Variants in WIPF2 observed in about 807,000 individuals in gnomAD.
WIPF2 encodes WAS/WASL-interacting protein family member 2.
WIPF2 carries 23 observed loss-of-function variants against 38.8 expected under a neutral mutation model. The ratio of observed to expected loss-of-function variants is 0.59; its 90% CI spans 0.43 to 0.84. WIPF2 has a LOEUF of 0.84. Ranked by LOEUF, WIPF2 falls within the 40% of genes least tolerant of loss-of-function variation. The pLI, the probability that WIPF2 is intolerant of heterozygous loss-of-function variation, is 0.00. For missense variants in WIPF2, 574 were observed against 580.5 expected (o/e 0.99, Z 0.11); for synonymous variants, 210 against 223.2 (o/e 0.94, Z 0.53).
intron 1 of WIPF2, 49 bp from the exon 2 acceptor site, chr17:40,256,342 T>G: frequency 6.8e-7 from 1 of 1,479,518 alleles, no homozygotes; most frequent in South Asian, 1.3e-5. Context: ...CCTGGGCACT[T>G]GTATCTAATG....
At position 40,236,571 on chromosome 17, in the gene WIPF2, G is replaced by T. The variant is rs529612423; in HGVS notation, c.-70+17079G>T. Among the ~76,000 whole-genome samples the T allele has an allele frequency of 2.0e-5, 3 of 146,750 alleles. No homozygotes were observed. The Admixed American group carries it at 2.1e-4, about 10-fold the overall frequency. The stretch of plus-strand genomic sequence containing the variant: ...TCCTCCTGGCTTGGCCTCCCAAAGT[G>T]CTGGGATTACAGGCATGAGCTGCCT... On this transcript the variant is annotated intron_variant, in intron 1 of 7. Coordinates refer to ENST00000323571, the MANE Select transcript of WIPF2 (RefSeq NM_133264.5).
rs1399046873 is a variant in WIPF2, at chr17:40,264,599, C to G, written c.423C>G (p.Ser141Arg). 6.2e-7 allele frequency: 1 copy of G among 1,614,106 alleles called. No homozygotes were observed. The highest frequency in any genetic ancestry group is 8.5e-7 in the Non-Finnish European group (1 of 1,180,008). ...SGRPQDDTDS[S>R]RASLPELPRM... The stretch of plus-strand genomic sequence containing the variant: ...GTCCTCAGGATGATACAGACAGCAG[C>G]CGGGCCTCACTCCCAGAACTGCCCC... Residue 141 changes from serine (S) to arginine (R), a missense_variant, in exon 5 of 8, where the codon AGC (serine) becomes AGG (arginine). By Grantham distance (110) the Ser-to-Arg change is moderately radical. Transcript: ENST00000323571.
intron 4 of WIPF2, 130 bp from the exon 5 acceptor site, chr17:40,264,340 AAAAAAAAAAAAAAGAAAAAC>A: frequency 1.5e-6 from 1 of 660,386 alleles, no homozygotes; most frequent in Non-Finnish European, 2.5e-6. Context: ...AAAAAAAAAA[AAAAAAAAAAAAAAGAAAAAC>A]AAAAAACCCA....
At chr17:40,274,563 A>G (rs1444789928) in intron 6 of WIPF2, among the ~76,000 whole-genome samples, 14 of 137,902 alleles carry the variant, frequency 1.0e-4, no homozygotes, top group East Asian at 2.0e-4. Flanking sequence ...TCTTGAAAAA[A>G]AAAAAAAAAA....
rs1398527068 is a variant in WIPF2, at chr17:40,280,256, G to A, written c.*2031G>A. The A allele has an allele frequency of 6.6e-6, 1 of 152,240 alleles. No homozygotes were observed. The highest frequency in any genetic ancestry group is 1.5e-5 in the Non-Finnish European group (1 of 68,078). The allele number at this position is 152,240 out of a possible 1,614,324, so 9.4% of individuals were successfully genotyped here. ...GGCCGAGGCGGGCGGATCACCTGAG[G>A]TCAGAAGTTCGAGACCAGCCTGTCC... On this transcript the variant is annotated 3_prime_UTR_variant, in exon 8 of 8. Transcript: ENST00000323571.
chr17:40,277,999 T>C (rs112148679), intron 7 of WIPF2, among the ~76,000 whole-genome samples, 186 bp from the exon 8 acceptor site: 17,218 of 152,068 alleles, frequency 0.11, 1,084 homozygotes, highest in East Asian at 0.29. Context: ...GTGCTGGGAT[T>C]ACAGGCGTGA....
chr17:40,228,922 C>T (rs926378961), intron 1 of WIPF2, among the ~76,000 whole-genome samples: 6 of 151,750 alleles, frequency 4.0e-5, no homozygotes, highest in Non-Finnish European at 7.4e-5. Flanking sequence ...CTTGGTCTTC[C>T]ACTTACGGTG....
rs1341626790 is a variant in WIPF2, at chr17:40,242,100, A to T, written c.-69-14291A>T. Among the ~76,000 whole-genome samples, 3 of 152,184 alleles carry T rather than the reference A, an allele frequency of 2.0e-5. No homozygotes were observed. The East Asian group carries it at 5.8e-4, about 29-fold the overall frequency. On this transcript the variant is annotated intron_variant, in intron 1 of 7. Transcript: ENST00000323571. ...TGAGCAGCTCTATAGAAATAGCTGT[A>T]ATACAATTTTACAACTTCCATTGAA...
chr17:40,234,448 CA>C (rs1183203350), intron 1 of WIPF2, among the ~76,000 whole-genome samples: 2 of 149,400 alleles, frequency 1.3e-5, no homozygotes, highest in Non-Finnish European at 3.0e-5. Context: ...AACAAACAAA[CA>C]AACAAAAAAA....
chr17:40,229,119 T>G (rs1486955426), intron 1 of WIPF2, among the ~76,000 whole-genome samples: 3 of 145,600 alleles, frequency 2.1e-5, no homozygotes, highest in Non-Finnish European at 4.6e-5. Flanking sequence ...AGGCTGGTCT[T>G]TTTTTTTTTT....
rs1165742899 is a variant in WIPF2 at position 40,283,768 on chromosome 17, C to G, written c.*5543C>G. 6.6e-6 allele frequency: 1 copy of G among 152,210 alleles called. No individual in the cohort carries two copies. The highest frequency in any genetic ancestry group is 1.5e-5 in the Non-Finnish European group (1 of 68,040). The allele number at this position is 152,210 out of a possible 1,614,324, so 9.4% of individuals were successfully genotyped here. A position where few individuals can be genotyped will look rare whatever the true frequency, so the allele number is the denominator to read the frequency against. On this transcript the variant is annotated 3_prime_UTR_variant, in exon 8 of 8. Transcript: ENST00000323571. ...TGTGGGTGTTGGCTGTTTTTCGTCA[C>G]TGCTTTTTAAGCTGAATCTTAGCTG...
rs2032599507 is a variant in WIPF2, at chr17:40,283,643, T to TA, written c.*5419dup. The TA allele has an allele frequency of 6.6e-6, 1 of 152,190 alleles. No homozygotes were observed. Among genetic ancestry groups the TA allele is most frequent in the Admixed American group, 6.5e-5 (1 of 15,268 alleles). 9.4% of individuals were successfully genotyped at this position (152,190 alleles called of 1,614,324 possible). A position where few individuals can be genotyped will look rare whatever the true frequency, so the allele number is the denominator to read the frequency against. ...CTTGTGACCTTTTCCTTGAATCTCT[T>TA]ATAATTCTTTCTACCTGTGTTGCAT... On this transcript the variant is annotated 3_prime_UTR_variant, in exon 8 of 8. Transcript: ENST00000323571.
At chr17:40,225,891 C>T (rs1171878863) in intron 1 of WIPF2, among the ~76,000 whole-genome samples, 1 of 151,976 alleles carries the variant, frequency 6.6e-6, no homozygotes, top group Non-Finnish European at 1.5e-5. Flanking sequence ...TTGCCGGCCT[C>T]CCAAAGTGCT....
intron 5 of WIPF2, among the ~76,000 whole-genome samples, chr17:40,270,577 C>G (rs546779848): frequency 9.9e-5 from 15 of 152,078 alleles, no homozygotes; most frequent in Non-Finnish European, 2.1e-4. Flanking sequence ...CCTGGCTAAC[C>G]CTGTTTACCT....
intron 1 of WIPF2, among the ~76,000 whole-genome samples, chr17:40,227,580 C>T (rs1041072082): frequency 4.6e-5 from 7 of 151,928 alleles, no homozygotes; most frequent in Non-Finnish European, 8.8e-5. Flanking sequence ...AGGCTGGTTG[C>T]GGTGGCTCAC....
chr17:40,222,973 A>G (rs1017972321), intron 1 of WIPF2, among the ~76,000 whole-genome samples: 1 of 145,816 alleles, frequency 6.9e-6, no homozygotes, highest in Admixed American at 7.0e-5. Flanking sequence ...ACCTGGCCGC[A>G]TGTTTAGTTT....
At chr17:40,236,704 G>A (rs2030985715) in intron 1 of WIPF2, among the ~76,000 whole-genome samples, 2 of 151,610 alleles carry the variant, frequency 1.3e-5, no homozygotes, top group African/African-American at 4.9e-5. Context: ...CACCTCCCTG[G>A]GTTCAAGCAA....
Position 40,260,636 on chromosome 17 carries a change from C to T in WIPF2, c.165C>T (p.Asn55=). 6.2e-7 allele frequency: 1 copy of T among 1,613,878 alleles called. No homozygotes were observed. Among genetic ancestry groups the T allele is most frequent in the Non-Finnish European group, 8.5e-7 (1 of 1,179,982 alleles). Residue 55 remains asparagine (N), a synonymous_variant, in exon 3 of 8, where the codon AAC becomes AAT. Coordinates refer to ENST00000323571, the MANE Select transcript of WIPF2 (RefSeq NM_133264.5). ...CKGTKLKKVT[N]INDRSAPILE... Reference sequence around the variant, plus strand: ...GGACCAAGCTGAAGAAGGTGACCAACATTAATGATCGGAGTGCTCCCATCC... The same window carrying T: ...GGACCAAGCTGAAGAAGGTGACCAATATTAATGATCGGAGTGCTCCCATCC...
intron 1 of WIPF2, among the ~76,000 whole-genome samples, chr17:40,233,040 G>C (rs1158732570): frequency 6.6e-6 from 1 of 152,194 alleles, no homozygotes; most frequent in Non-Finnish European, 1.5e-5. Flanking sequence ...AGAGTAAGCT[G>C]TGGGGTTGTT....
Sources: allele counts gnomAD v4.1 joint callset (sites outside exome capture counted in the v4.1 genomes callset), GRCh38; gene constraint gnomAD v4.1.1; transcripts MANE v1.5; gene names NCBI Gene and HGNC (gene_info 2026-07-23, HGNC 2026-07-21).